Variants in CCDC60 observed in about 807,000 individuals in gnomAD.
CCDC60 encodes coiled-coil domain-containing protein 60.
Under a neutral mutation model 63.5 loss-of-function variants are expected in CCDC60, and 54 were observed. The observed-to-expected ratio is 0.85, with a 90% confidence interval of 0.68 to 1.07. CCDC60 has a LOEUF of 1.07. Ranked by LOEUF, CCDC60 falls within the 50% of genes least tolerant of loss-of-function variation. The pLI is 0.00. For missense variants in CCDC60, 651 were observed against 684.3 expected, an observed-to-expected ratio of 0.95 and a Z score of 0.54; for synonymous variants, 206 against 238.8, an observed-to-expected ratio of 0.86 and a Z score of 1.27.
At chr12:119,418,442 T>A in intron 1 of CCDC60, among the ~76,000 whole-genome samples, 1 of 123,782 alleles carries the variant, frequency 8.1e-6, no homozygotes, top group African/African-American at 3.1e-5. Flanking sequence ...TGAGATGGGG[T>A]CTCACTCTGT....
At chr12:119,424,655 A>G (rs1447738612) in intron 1 of CCDC60, among the ~76,000 whole-genome samples, 2 of 152,270 alleles carry the variant, frequency 1.3e-5, no homozygotes, top group Non-Finnish European at 2.9e-5. Context: ...TATTTAACTT[A>G]TTAACTTTTA....
intron 4 of CCDC60, among the ~76,000 whole-genome samples, chr12:119,483,024 T>C (rs927688749): frequency 6.6e-6 from 1 of 152,168 alleles, no homozygotes; most frequent in African/African-American, 2.4e-5. Context: ...GTGATGATGA[T>C]GGTGCTGGTG....
At chr12:119,468,277 G>A (rs1285907929) in intron 2 of CCDC60, among the ~76,000 whole-genome samples, 2 of 151,952 alleles carry the variant, frequency 1.3e-5, no homozygotes, top group African/African-American at 4.8e-5. Context: ...GGGCGATAGA[G>A]CAAGACGCTG....
Position 119,470,018 on chromosome 12 carries a change from C to T in CCDC60, c.171-1976C>T, listed in dbSNP as rs143296677. ...GCTCACTTAAGAACCCAAGGCCCTG[C>T]GCCATGTTTCCTGCCTGCATTGTCA... On this transcript the variant is annotated intron_variant, in intron 2 of 13. Coordinates refer to ENST00000327554, the MANE Select transcript of CCDC60 (RefSeq NM_178499.5). Among the ~76,000 whole-genome samples, 220 of 152,318 alleles carry T rather than the reference C, an allele frequency of 1.4e-3. 2 individuals are homozygous for T. In the South Asian group the frequency reaches 0.016, roughly 11 times the overall value.
At chr12:119,336,335 C>T (rs193202699) in intron 1 of CCDC60, among the ~76,000 whole-genome samples, 3 of 152,270 alleles carry the variant, frequency 2.0e-5, no homozygotes, top group African/African-American at 4.8e-5. Context: ...GACACATTCC[C>T]GTTGCTATCA....
chr12:119,453,138 T>C (rs1396001942), intron 2 of CCDC60, among the ~76,000 whole-genome samples: 1 of 152,232 alleles, frequency 6.6e-6, no homozygotes, highest in Non-Finnish European at 1.5e-5. Context: ...GAACTTGGCT[T>C]TTTAACTGAC....
chr12:119,357,756 G>A (rs1315192436), intron 1 of CCDC60, among the ~76,000 whole-genome samples: 1 of 152,180 alleles, frequency 6.6e-6, no homozygotes, highest in Non-Finnish European at 1.5e-5. Flanking sequence ...GCCTGGCTGA[G>A]ATCAGCTTTT....
At chr12:119,523,408 C>T (rs1952582719) in intron 10 of CCDC60, among the ~76,000 whole-genome samples, 1 of 152,238 alleles carries the variant, frequency 6.6e-6, no homozygotes, top group African/African-American at 2.4e-5. Context: ...CTCCAAATTC[C>T]ATCTCCCGTC....
chr12:119,500,636 T>C (rs182757394), intron 6 of CCDC60, among the ~76,000 whole-genome samples: 1 of 149,702 alleles, frequency 6.7e-6, no homozygotes, highest in Admixed American at 6.8e-5. Flanking sequence ...GGAGGATCGC[T>C]TGAGCCCAGG....
At chr12:119,532,958 G>A (rs1468501344) in intron 13 of CCDC60, among the ~76,000 whole-genome samples, 2 of 152,074 alleles carry the variant, frequency 1.3e-5, no homozygotes, top group Non-Finnish European at 2.9e-5. Context: ...GGATCAAATG[G>A]TATTTCTGGC....
chr12:119,530,926 G>A lies in CCDC60; in HGVS notation c.1414G>A (p.Ala472Thr), dbSNP rs758751561. The stretch of plus-strand genomic sequence containing the variant: ...AGAGGATCTAAAGAACTTCCGCCCC[G>A]CCAAAAAGATCCTGGTGAAACTGCA... ...LPEDLKNFRP[A>T]KKILVKLQKF... Residue 472 changes from alanine (A) to threonine (T), a missense_variant, in exon 13 of 14, where the codon GCC (alanine) becomes ACC (threonine). Physicochemically the swap from Ala to Thr is moderately conservative, Grantham distance 58. Transcript: ENST00000327554. The A allele has an allele frequency of 8.7e-6, 14 of 1,613,942 alleles. No homozygotes were observed. Among genetic ancestry groups the A allele is most frequent in the South Asian group, 6.6e-5 (6 of 91,052 alleles).
intron 1 of CCDC60, among the ~76,000 whole-genome samples, chr12:119,372,930 T>C (rs1178820182): frequency 2.0e-5 from 3 of 152,136 alleles, no homozygotes; most frequent in African/African-American, 7.2e-5. Context: ...TATTATTGCT[T>C]AGGAGAGAAC....
At chr12:119,407,719 C>G (rs764051557) in intron 1 of CCDC60, among the ~76,000 whole-genome samples, 4 of 152,208 alleles carry the variant, frequency 2.6e-5, no homozygotes, top group Non-Finnish European at 4.4e-5. Flanking sequence ...TGCAGTCACT[C>G]TGCCCCTCCA....
intron 4 of CCDC60, among the ~76,000 whole-genome samples, chr12:119,486,782 C>A (rs1054372360): frequency 2.0e-5 from 3 of 152,118 alleles, no homozygotes; most frequent in Non-Finnish European, 2.9e-5. Context: ...GCCGGGATAA[C>A]CCTGGGCCAG....
chr12:119,535,831 C>T (rs1952986631), intron 13 of CCDC60, among the ~76,000 whole-genome samples: 1 of 152,170 alleles, frequency 6.6e-6, no homozygotes. Flanking sequence ...TGCTTTCCTT[C>T]CAACTATGTG....
intron 1 of CCDC60, among the ~76,000 whole-genome samples, chr12:119,397,412 T>C (rs2032343886): frequency 6.6e-6 from 1 of 151,984 alleles, no homozygotes; most frequent in Admixed American, 6.5e-5. Flanking sequence ...GATAGAGTGC[T>C]GATTGGTGCG....
At position 119,335,126 on chromosome 12, in the gene CCDC60, G is replaced by T; in HGVS notation, c.-51G>T. The T allele has an allele frequency of 1.3e-6, 2 of 1,482,002 alleles. No individual in the cohort carries two copies. Among genetic ancestry groups the T allele is most frequent in the South Asian group, 1.2e-5 (1 of 82,734 alleles). 91.8% of individuals were successfully genotyped at this position (1,482,002 alleles called of 1,614,324 possible). ...AGTAACTACTGAAGTAGAAGATTCT[G>T]GAAAAATCCTTGTCTTGGGGGCACA... On this transcript the variant is annotated 5_prime_UTR_variant, in exon 1 of 14. Coordinates refer to ENST00000327554, the MANE Select transcript of CCDC60 (RefSeq NM_178499.5).
intron 1 of CCDC60, among the ~76,000 whole-genome samples, chr12:119,411,654 T>G (rs911685997): frequency 6.6e-6 from 1 of 152,164 alleles, no homozygotes; most frequent in Non-Finnish European, 1.5e-5. Flanking sequence ...CAGACAGAGC[T>G]GGTTCTCACC....
intron 1 of CCDC60, among the ~76,000 whole-genome samples, chr12:119,393,294 G>A (rs113963403): frequency 0.012 from 1,827 of 152,234 alleles, 35 homozygotes; most frequent in African/African-American, 0.04. Context: ...AGATTTCATC[G>A]TGCAGGAAAT....
Sources: allele counts gnomAD v4.1 joint callset (sites outside exome capture counted in the v4.1 genomes callset), GRCh38; gene constraint gnomAD v4.1.1; transcripts MANE v1.5; gene names NCBI Gene and HGNC (gene_info 2026-07-23, HGNC 2026-07-21).